The following UMAD1 variants were observed in gnomAD, a reference collection of about 807,000 sequenced individuals.
UMAD1 encodes UBAP1-MVB12-associated (UMA)-domain containing protein 1.
A neutral mutation model predicts 6.1 loss-of-function variants in UMAD1; 8 were observed. That is an observed-to-expected ratio of 1.30 (90% confidence interval 0.76 to 2.35). UMAD1 has a LOEUF of 2.35. UMAD1 is among the 30% of genes most tolerant of loss of function. The pLI, the probability that UMAD1 is intolerant of heterozygous loss-of-function variation, is 0.00. For missense variants in UMAD1, 130 were observed against 78.4 expected (o/e 1.66, Z -2.49); for synonymous variants, 56 against 31.4 (o/e 1.78, Z -2.61).
intron 3 of UMAD1, among the ~76,000 whole-genome samples, chr7:7,848,590 T>TTTGC (rs1298261574): frequency 6.6e-6 from 1 of 152,108 alleles, no homozygotes; most frequent in African/African-American, 2.4e-5. Context: ...TATTGAAATG[T>TTTGC]TTGCTTGAAA....
chr7:7,782,923 G>C (rs1378447494), intron 2 of UMAD1, among the ~76,000 whole-genome samples: 1 of 152,132 alleles, frequency 6.6e-6, no homozygotes. Context: ...TATACAGACA[G>C]GGTTTTGCCA....
chr7:7,826,816 ACTT>A (rs1323363042), intron 3 of UMAD1, among the ~76,000 whole-genome samples: 1 of 152,150 alleles, frequency 6.6e-6, no homozygotes, highest in Non-Finnish European at 1.5e-5. Flanking sequence ...CCATCACCAT[ACTT>A]ACCTGTAATT....
At chr7:7,849,608 C>G (rs1783875398) in intron 3 of UMAD1, among the ~76,000 whole-genome samples, 1 of 152,102 alleles carries the variant, frequency 6.6e-6, no homozygotes, top group African/African-American at 2.4e-5. Flanking sequence ...CTACTGTATA[C>G]CAGGTATTCT....
intron 2 of UMAD1, among the ~76,000 whole-genome samples, chr7:7,735,343 A>G (rs1162666387): frequency 6.6e-6 from 1 of 152,156 alleles, no homozygotes; most frequent in African/African-American, 2.4e-5. Flanking sequence ...CAGACTTTTA[A>G]TCCAAGCTTA....
At chr7:7,696,265 C>T (rs933519299) in intron 2 of UMAD1, among the ~76,000 whole-genome samples, 2 of 150,818 alleles carry the variant, frequency 1.3e-5, no homozygotes, top group African/African-American at 4.9e-5. Flanking sequence ...AAGACTCACT[C>T]TTTTAGCCAA....
rs970219880 is a variant in UMAD1, at chr7:7,677,664, G to T, written c.82+4211G>T. ...TCTTTATCTATTCATCTGTTTTTTT[G>T]TTTTTTTTTTTTTTTTTTTTTTTTT... On this transcript the variant is annotated intron_variant, in intron 2 of 3. Coordinates refer to ENST00000682710, the MANE Select transcript of UMAD1 (RefSeq NM_001302348.2). 2.9e-3 allele frequency among the ~76,000 whole-genome samples: 323 copies of T among 113,324 alleles called. 1 individual carries two copies. Among genetic ancestry groups the T allele is most frequent in the East Asian group, 0.018 (72 of 4,052 alleles). The allele number at this position is 113,324 out of a possible 152,430, so 74.3% of individuals were successfully genotyped here. A position where few individuals can be genotyped will look rare whatever the true frequency, so the allele number is the denominator to read the frequency against.
At chr7:7,759,019 A>G (rs1781833303) in intron 2 of UMAD1, among the ~76,000 whole-genome samples, 1 of 152,180 alleles carries the variant, frequency 6.6e-6, no homozygotes, top group Non-Finnish European at 1.5e-5. Context: ...ATAAGATTGA[A>G]CTAGATCTTT....
intron 2 of UMAD1, among the ~76,000 whole-genome samples, chr7:7,727,867 C>G (rs758045017): frequency 2.3e-4 from 35 of 152,154 alleles, no homozygotes; most frequent in Admixed American, 5.2e-4. Context: ...GTTTAATACT[C>G]CTTAATAAAC....
At chr7:7,871,521 G>A (rs1784332328) in intron 3 of UMAD1, among the ~76,000 whole-genome samples, 1 of 152,122 alleles carries the variant, frequency 6.6e-6, no homozygotes, top group Non-Finnish European at 1.5e-5. Flanking sequence ...ACCCTTACAA[G>A]GCTGTTGTAA....
intron 2 of UMAD1, among the ~76,000 whole-genome samples, chr7:7,786,948 G>T (rs780808820): frequency 5.3e-5 from 8 of 152,182 alleles, no homozygotes; most frequent in Non-Finnish European, 7.3e-5. Context: ...TAAAACAGCT[G>T]GTTAGTTAAT....
At chr7:7,794,186 C>A (rs1474233733) in intron 2 of UMAD1, among the ~76,000 whole-genome samples, 1 of 152,148 alleles carries the variant, frequency 6.6e-6, no homozygotes, top group African/African-American at 2.4e-5. Flanking sequence ...TTTCTGTATT[C>A]ACAGCCCTTT....
rs1185581936 is a variant in UMAD1 at position 7,843,010 on chromosome 7, A to C, written c.157-34271A>C. Among the ~76,000 whole-genome samples the C allele has an allele frequency of 2.0e-5, 3 of 152,306 alleles. No homozygotes were observed. In the South Asian group the frequency reaches 6.2e-4, roughly 32 times the overall value. ...GGATACTCTTGCCATTTCTTAAATA[A>C]TATGGTTCTTTTTGAGATGGTTCAT... On this transcript the variant is annotated intron_variant, in intron 3 of 3. Coordinates refer to ENST00000682710, the MANE Select transcript of UMAD1 (RefSeq NM_001302348.2).
chr7:7,841,862 G>A (rs1316743473), intron 3 of UMAD1, among the ~76,000 whole-genome samples: 1 of 151,946 alleles, frequency 6.6e-6, no homozygotes, highest in Non-Finnish European at 1.5e-5. Flanking sequence ...GTTTCCAATT[G>A]TCTTTGCACT....
At chr7:7,748,103 A>ATTTTTTTTTTTTTTT (rs35368211) in intron 2 of UMAD1, among the ~76,000 whole-genome samples, 4 of 140,160 alleles carry the variant, frequency 2.9e-5, no homozygotes, top group African/African-American at 8.4e-5. Flanking sequence ...CGCCCAGCTA[A>ATTTTTTTTTTTTTTT]TTTTTTTTTT....
chr7:7,697,011 G>T (rs1357165971), intron 2 of UMAD1, among the ~76,000 whole-genome samples: 2 of 152,096 alleles, frequency 1.3e-5, no homozygotes, highest in African/African-American at 2.4e-5. Flanking sequence ...TTTGCTCCAA[G>T]GTCTGTATAA....
At chr7:7,865,954 A>AG (rs1254660696) in intron 3 of UMAD1, among the ~76,000 whole-genome samples, 1 of 152,216 alleles carries the variant, frequency 6.6e-6, no homozygotes, top group African/African-American at 2.4e-5. Context: ...GTATTTGTAA[A>AG]GCTGTTCATT....
chr7:7,663,266 A>AAT (rs1785521363), intron 1 of UMAD1, among the ~76,000 whole-genome samples: 1 of 142,654 alleles, frequency 7.0e-6, no homozygotes, highest in South Asian at 2.3e-4. Context: ...CAAACACCTA[A>AAT]ATCTAAGATA....
At chr7:7,804,818 A>G (rs1320416901) in intron 3 of UMAD1, among the ~76,000 whole-genome samples, 1 of 151,716 alleles carries the variant, frequency 6.6e-6, no homozygotes, top group African/African-American at 2.4e-5. Flanking sequence ...TGTCTCTACT[A>G]AAAATACAAA....
chr7:7,723,346 T>C (rs1476465800), intron 2 of UMAD1, among the ~76,000 whole-genome samples: 3 of 152,354 alleles, frequency 2.0e-5, no homozygotes, highest in East Asian at 3.9e-4. Context: ...GTAGGGATTC[T>C]GCATTTAATG....
Sources: allele counts gnomAD v4.1 joint callset (sites outside exome capture counted in the v4.1 genomes callset), GRCh38; gene constraint gnomAD v4.1.1; transcripts MANE v1.5; gene names NCBI Gene and HGNC (gene_info 2026-07-23, HGNC 2026-07-21).